Variants in DOCK4 observed in about 807,000 individuals in gnomAD.
DOCK4 encodes the protein dedicator of cytokinesis 4.
A neutral mutation model predicts 268.1 loss-of-function variants in DOCK4; 97 were observed. The ratio of observed to expected loss-of-function variants is 0.36; its 90% CI spans 0.31 to 0.43. The LOEUF is 0.43. Ranked by LOEUF, DOCK4 falls within the 20% of genes least tolerant of loss-of-function variation. The probability of loss-of-function intolerance (pLI) is 1.00; values close to 1 mark genes in which losing one functional copy is unlikely to be tolerated. For synonymous variants in DOCK4, 954 were observed against 887.2 expected, an observed-to-expected ratio of 1.08 and a Z score of -1.34; for missense variants, 2,145 against 2,455.7, an observed-to-expected ratio of 0.87 and a Z score of 2.67.
chr7:112,065,280 T>C (rs564561222), intron 1 of DOCK4, among the ~76,000 whole-genome samples: 15 of 152,074 alleles, frequency 9.9e-5, no homozygotes, highest in African/African-American at 2.4e-4. Context: ...TGGAGTGCCA[T>C]TTCTCAGCTG....
At chr7:112,069,904 G>A (rs958074236) in intron 1 of DOCK4, among the ~76,000 whole-genome samples, 2 of 152,176 alleles carry the variant, frequency 1.3e-5, no homozygotes, top group Admixed American at 6.5e-5. Context: ...AAACAAAAGG[G>A]CACGTGCAGC....
At chr7:111,839,394 C>A (rs1391680512) in intron 25 of DOCK4, among the ~76,000 whole-genome samples, 1 of 152,016 alleles carries the variant, frequency 6.6e-6, no homozygotes, top group African/African-American at 2.4e-5. Flanking sequence ...ATTAATTTTC[C>A]TAAGACATTT....
chr7:111,956,391 G>A (rs557003207), intron 8 of DOCK4, among the ~76,000 whole-genome samples: 10 of 152,054 alleles, frequency 6.6e-5, no homozygotes, highest in South Asian at 2.1e-4. Flanking sequence ...ATAATAAATC[G>A]TTCATGCATT....
intron 13 of DOCK4, among the ~76,000 whole-genome samples, chr7:111,908,814 G>A (rs1042899046): frequency 1.3e-5 from 2 of 152,046 alleles, no homozygotes; most frequent in Admixed American, 1.3e-4. Flanking sequence ...AGTTTGTTGG[G>A]AATGATGGCT....
At chr7:112,058,278 AATC>A (rs1345318137) in intron 1 of DOCK4, among the ~76,000 whole-genome samples, 2 of 152,098 alleles carry the variant, frequency 1.3e-5, no homozygotes, top group African/African-American at 4.8e-5. Context: ...GTTTTTAATA[AATC>A]ATTAAAGCCT....
intron 16 of DOCK4, among the ~76,000 whole-genome samples, chr7:111,892,903 C>T (rs1031494195): frequency 1.3e-5 from 2 of 152,114 alleles, no homozygotes; most frequent in African/African-American, 2.4e-5. Flanking sequence ...TACTAAATAA[C>T]CCTATTCATA....
chr7:111,892,133 G>C (rs1808333552), intron 16 of DOCK4, among the ~76,000 whole-genome samples: 2 of 152,146 alleles, frequency 1.3e-5, no homozygotes, highest in South Asian at 4.1e-4. Context: ...TCCTTAGAAA[G>C]GCCCTTCTCA....
chr7:112,022,730 C>T (rs1802433468), intron 1 of DOCK4, among the ~76,000 whole-genome samples: 1 of 152,110 alleles, frequency 6.6e-6, no homozygotes, highest in African/African-American at 2.4e-5. Flanking sequence ...CAATGTTGAC[C>T]ATTTCTTTGA....
At chr7:111,926,137 AAAG>A in intron 12 of DOCK4, among the ~76,000 whole-genome samples, 1 of 145,172 alleles carries the variant, frequency 6.9e-6, no homozygotes, top group Non-Finnish European at 1.5e-5. Flanking sequence ...AGAAAGAAAG[AAAG>A]AAAGAAAAAG....
intron 12 of DOCK4, among the ~76,000 whole-genome samples, chr7:111,922,010 G>A (rs1562889336): frequency 6.6e-6 from 1 of 152,174 alleles, no homozygotes. Context: ...TCTAACATAG[G>A]AGACTTGACA....
intron 8 of DOCK4, among the ~76,000 whole-genome samples, chr7:111,962,097 G>A (rs573031008): frequency 2.6e-5 from 4 of 151,718 alleles, no homozygotes; most frequent in African/African-American, 9.7e-5. Context: ...CTTTCTCTTT[G>A]TTCTTCCATT....
At chr7:112,112,409 C>T (rs1242957517) in intron 1 of DOCK4, among the ~76,000 whole-genome samples, 5 of 152,070 alleles carry the variant, frequency 3.3e-5, no homozygotes, top group African/African-American at 1.2e-4. Context: ...TTTGGAAGGC[C>T]GAGGCGGGCA....
At chr7:112,107,089 T>C (rs566777028) in intron 1 of DOCK4, among the ~76,000 whole-genome samples, 2 of 152,346 alleles carry the variant, frequency 1.3e-5, no homozygotes, top group Admixed American at 6.5e-5. Context: ...TTATTATGTA[T>C]GGGCATTATA....
intron 1 of DOCK4, among the ~76,000 whole-genome samples, chr7:112,204,736 G>T (rs1476193007): frequency 6.6e-6 from 1 of 151,446 alleles, no homozygotes; most frequent in Admixed American, 6.6e-5. Context: ...CCCAGGCAAA[G>T]TTGGGAAAAA....
intron 1 of DOCK4, among the ~76,000 whole-genome samples, chr7:112,183,625 A>G (rs1389887278): frequency 1.3e-5 from 2 of 152,186 alleles, no homozygotes; most frequent in Non-Finnish European, 2.9e-5. Flanking sequence ...GTCTTGTCCA[A>G]CAAATGCCAG....
intron 1 of DOCK4, among the ~76,000 whole-genome samples, chr7:112,042,061 G>A (rs1298327969): frequency 6.6e-6 from 1 of 152,088 alleles, no homozygotes; most frequent in Non-Finnish European, 1.5e-5. Context: ...GGAGTTCAAG[G>A]CTACAGTGTA....
At position 112,183,512 on chromosome 7, in the gene DOCK4, G is replaced by A. The variant is rs17568184; in HGVS notation, c.37+22590C>T. 7.9e-3 allele frequency among the ~76,000 whole-genome samples: 1,198 copies of A among 152,274 alleles called. 12 individuals carry two copies. Among genetic ancestry groups the A allele is most frequent in the Middle Eastern group, 0.02 (6 of 294 alleles). ...CACACTCACTGTCTTGTCACCTCAC[G>A]GGATTATGTCTGCCAGGATTTAAAC... On this transcript the variant is annotated intron_variant, in intron 1 of 52. Coordinates refer to ENST00000428084, the MANE Select transcript of DOCK4 (RefSeq NM_001363540.2).
intron 11 of DOCK4, among the ~76,000 whole-genome samples, chr7:111,936,656 T>C (rs1456038307): frequency 6.6e-6 from 1 of 152,182 alleles, no homozygotes; most frequent in African/African-American, 2.4e-5. Flanking sequence ...TCTGAACATA[T>C]GTGTAAATTC....
At chr7:112,170,980 C>A (rs1818036417) in intron 1 of DOCK4, among the ~76,000 whole-genome samples, 1 of 152,188 alleles carries the variant, frequency 6.6e-6, no homozygotes, top group Non-Finnish European at 1.5e-5. Flanking sequence ...AATCACAACA[C>A]ACACACACAG....
Sources: gnomAD v4.1 joint callset for allele counts (sites outside exome capture counted in the v4.1 genomes callset) on GRCh38, gnomAD v4.1.1 for gene constraint, MANE v1.5 for transcripts, NCBI Gene and HGNC (gene_info 2026-07-23, HGNC 2026-07-21) for gene names.